The following PRKCA variants were observed in gnomAD, a reference collection of about 807,000 sequenced individuals.
PRKCA encodes protein kinase C alpha type.
A neutral mutation model predicts 87.0 loss-of-function variants in PRKCA; 27 were observed. That is an observed-to-expected ratio of 0.31 (90% confidence interval 0.23 to 0.43). The LOEUF is 0.43. Ranked by LOEUF, PRKCA falls within the 20% of genes least tolerant of loss-of-function variation. The pLI, the probability that PRKCA is intolerant of heterozygous loss-of-function variation, is 1.00. For synonymous variants in PRKCA, 329 were observed against 311.1 expected (o/e 1.06, Z -0.61); for missense variants, 518 against 852.3 (o/e 0.61, Z 4.88).
At chr17:66,348,723 C>T (rs953270285) in intron 2 of PRKCA, among the ~76,000 whole-genome samples, 1 of 152,146 alleles carries the variant, frequency 6.6e-6, no homozygotes, top group Non-Finnish European at 1.5e-5. Flanking sequence ...ATACTTTCAG[C>T]CTCTTAGAGC....
intron 11 of PRKCA, among the ~76,000 whole-genome samples, chr17:66,739,642 A>G (rs62072415): frequency 0.012 from 1,766 of 152,282 alleles, 20 homozygotes; most frequent in Middle Eastern, 0.027. Flanking sequence ...CCACGAAATG[A>G]CCGGCTCAGA....
At chr17:66,387,705 T>C (rs1598631607) in intron 2 of PRKCA, among the ~76,000 whole-genome samples, 3 of 152,202 alleles carry the variant, frequency 2.0e-5, no homozygotes, top group Non-Finnish European at 4.4e-5. Flanking sequence ...ACTGTGGGGC[T>C]CCAACTGAAT....
intron 16 of PRKCA, among the ~76,000 whole-genome samples, chr17:66,794,596 T>A (rs558636170): frequency 2.0e-5 from 3 of 150,940 alleles, no homozygotes; most frequent in Non-Finnish European, 4.4e-5. Context: ...GTTATATTGT[T>A]TTTTTTGTTT....
intron 3 of PRKCA, among the ~76,000 whole-genome samples, chr17:66,563,951 T>TTTCCTTCCTTCC (rs202204103): frequency 0.014 from 1,910 of 136,624 alleles, 23 homozygotes; most frequent in East Asian, 0.017. Context: ...TTGTTTCTTC[T>TTTCCTTCCTTCC]TTCCTTCCTT....
At chr17:66,499,001 G>A (rs72842169) in intron 3 of PRKCA, among the ~76,000 whole-genome samples, 21,259 of 152,162 alleles carry the variant, frequency 0.14, 1,788 homozygotes, top group East Asian at 0.3. Flanking sequence ...TCACATTGGC[G>A]GTTAAGTTTC....
chr17:66,377,717 A>ATT (rs1415157449), intron 2 of PRKCA, among the ~76,000 whole-genome samples: 1 of 53,564 alleles, frequency 1.9e-5, no homozygotes, highest in African/African-American at 6.0e-5. Context: ...ATATATATAT[A>ATT]TATATTTTTT....
intron 3 of PRKCA, among the ~76,000 whole-genome samples, chr17:66,636,398 A>G (rs1285517469): frequency 6.6e-6 from 1 of 152,180 alleles, no homozygotes; most frequent in African/African-American, 2.4e-5. Flanking sequence ...GGGTTAGCAG[A>G]CAGTTTAACA....
intron 2 of PRKCA, among the ~76,000 whole-genome samples, chr17:66,475,281 C>T (rs1915491321): frequency 6.6e-6 from 1 of 152,052 alleles, no homozygotes; most frequent in Non-Finnish European, 1.5e-5. Context: ...CTCCTCCATC[C>T]TAGATAATAT....
At chr17:66,645,881 T>C (rs1405127979) in intron 5 of PRKCA, among the ~76,000 whole-genome samples, 1 of 152,138 alleles carries the variant, frequency 6.6e-6, no homozygotes, top group Non-Finnish European at 1.5e-5. Flanking sequence ...GGGAGGCGAA[T>C]GGATGGATGA....
intron 8 of PRKCA, chr17:66,703,686 T>C (rs1258120897): frequency 6.6e-6 from 1 of 151,946 alleles, no homozygotes; most frequent in African/African-American, 2.4e-5. Flanking sequence ...TCCCAGCTAC[T>C]TGGGAGGCTG....
chr17:66,784,673 G>T (rs149238657), intron 14 of PRKCA, among the ~76,000 whole-genome samples: 1 of 152,246 alleles, frequency 6.6e-6, no homozygotes, highest in African/African-American at 2.4e-5. Flanking sequence ...AGCAGGCTGC[G>T]TGCTGTTAGG....
chr17:66,581,560 C>G (rs1251006987), intron 3 of PRKCA, among the ~76,000 whole-genome samples: 1 of 152,218 alleles, frequency 6.6e-6, no homozygotes, highest in African/African-American at 2.4e-5. Flanking sequence ...ACTGCACCCT[C>G]TGCCTCCTGG....
At chr17:66,641,607 A>C in intron 4 of PRKCA, 141 bp downstream of exon 4, 2 of 477,004 alleles carry the variant, frequency 4.2e-6, no homozygotes, top group East Asian at 6.7e-5. Context: ...AGACTGACAA[A>C]GTGTAGATTC....
chr17:66,682,261 C>T (rs1367429170), intron 5 of PRKCA, among the ~76,000 whole-genome samples: 1 of 152,214 alleles, frequency 6.6e-6, no homozygotes, highest in Non-Finnish European at 1.5e-5. Context: ...AACCTTCTAA[C>T]CCAGGCTGGT....
chr17:66,569,428 G>C (rs1185467758), intron 3 of PRKCA, among the ~76,000 whole-genome samples: 3 of 152,162 alleles, frequency 2.0e-5, no homozygotes, highest in Admixed American at 6.5e-5. Flanking sequence ...AATTAGCCAG[G>C]CATGGTGGCA....
At chr17:66,432,228 G>C (rs368324268) in intron 2 of PRKCA, among the ~76,000 whole-genome samples, 3 of 152,104 alleles carry the variant, frequency 2.0e-5, no homozygotes, top group East Asian at 3.9e-4. Flanking sequence ...TTGAGAGGTG[G>C]GAGTGAGAGG....
At chr17:66,417,370 G>A (rs1271725229) in intron 2 of PRKCA, among the ~76,000 whole-genome samples, 1 of 152,088 alleles carries the variant, frequency 6.6e-6, no homozygotes, top group Non-Finnish European at 1.5e-5. Flanking sequence ...TAAAGATCTG[G>A]TGAAATCCCT....
chr17:66,361,105 G>T (rs991373212), intron 2 of PRKCA, among the ~76,000 whole-genome samples: 2 of 151,980 alleles, frequency 1.3e-5, no homozygotes, highest in African/African-American at 4.8e-5. Flanking sequence ...TTGCTGCTGA[G>T]CTGGCTTCAG....
At chr17:66,389,841 A>G (rs1910266869) in intron 2 of PRKCA, among the ~76,000 whole-genome samples, 1 of 152,262 alleles carries the variant, frequency 6.6e-6, no homozygotes, top group Admixed American at 6.5e-5. Flanking sequence ...AAAGAGATAG[A>G]AGGGCTTTGC....
Sources: allele counts gnomAD v4.1 joint callset (sites outside exome capture counted in the v4.1 genomes callset), GRCh38; gene constraint gnomAD v4.1.1; transcripts MANE v1.5; gene names NCBI Gene and HGNC (gene_info 2026-07-23, HGNC 2026-07-21).